The following ALK variants were observed in gnomAD, a reference collection of about 807,000 sequenced individuals.
ALK encodes ALK tyrosine kinase receptor.
In ALK, 74 loss-of-function variants were observed where a neutral mutation model predicts 163.1. The observed-to-expected ratio is 0.45, with a 90% confidence interval of 0.38 to 0.55. The LOEUF (loss-of-function observed/expected upper bound fraction) is 0.55, where lower values mean the gene tolerates loss of function less well. Ranked by LOEUF, ALK falls within the 20% of genes least tolerant of loss-of-function variation. The pLI, the probability that ALK is intolerant of heterozygous loss-of-function variation, is 0.00. For missense variants in ALK, 2,063 were observed against 2,105.3 expected, an observed-to-expected ratio of 0.98 and a Z score of 0.39; for synonymous variants, 960 against 843.2, an observed-to-expected ratio of 1.14 and a Z score of -2.40.
intron 4 of ALK, among the ~76,000 whole-genome samples, chr2:29,529,514 G>C (rs1325833375): frequency 6.6e-6 from 1 of 152,220 alleles, no homozygotes; most frequent in Admixed American, 6.5e-5. Context: ...CTTGAGACTA[G>C]CAGCGACCCC....
At chr2:29,649,733 T>C (rs1676987713) in intron 3 of ALK, among the ~76,000 whole-genome samples, 1 of 152,112 alleles carries the variant, frequency 6.6e-6, no homozygotes, top group Non-Finnish European at 1.5e-5. Flanking sequence ...GGTGCACCCA[T>C]GCTCTCACCT....
At position 29,564,876 on chromosome 2, in the gene ALK, C is replaced by G. The variant is rs77861440; in HGVS notation, c.953-32760G>C. Among the ~76,000 whole-genome samples, 536 of 152,234 alleles carry G rather than the reference C, an allele frequency of 3.5e-3. 6 individuals carry two copies. The East Asian group carries it at 0.046, about 13-fold the overall frequency. Reference sequence around the variant, plus strand: ...TTCTAGGGTTCAATCTGAGAGGACCCCTGTGTTCTCTTGCTTTATTACAGA... The same window carrying G: ...TTCTAGGGTTCAATCTGAGAGGACCGCTGTGTTCTCTTGCTTTATTACAGA... On this transcript the variant is annotated intron_variant, in intron 3 of 28. Coordinates refer to ENST00000389048, the MANE Select transcript of ALK (RefSeq NM_004304.5).
chr2:29,272,680 A>G (rs1665423388), intron 11 of ALK, among the ~76,000 whole-genome samples: 1 of 152,234 alleles, frequency 6.6e-6, no homozygotes, highest in African/African-American at 2.4e-5. Context: ...GACAGCTTTG[A>G]ACTTTGGAAA....
chr2:29,294,027 A>C lies in ALK; in HGVS notation c.1817+2861T>G, dbSNP rs1881418. ...TTCAGGGTTGGGGAGCTGTCCACAA[A>C]GTAGGTGCTGAATAGCTGAAGCCAG... On this transcript the variant is annotated intron_variant, in intron 9 of 28. Coordinates refer to ENST00000389048, the MANE Select transcript of ALK (RefSeq NM_004304.5). Among the ~76,000 whole-genome samples, 4 of 152,272 alleles carry C rather than the reference A, an allele frequency of 2.6e-5. No homozygotes were observed. The South Asian group carries it at 6.2e-4, about 24-fold the overall frequency.
intron 11 of ALK, among the ~76,000 whole-genome samples, chr2:29,255,022 G>T (rs553598146): frequency 6.6e-6 from 1 of 152,320 alleles, no homozygotes; most frequent in African/African-American, 2.4e-5. Context: ...GAGAGGATTT[G>T]CCATCCTGTG....
At chr2:29,812,087 C>T (rs966026905) in intron 1 of ALK, among the ~76,000 whole-genome samples, 14 of 152,060 alleles carry the variant, frequency 9.2e-5, no homozygotes, top group African/African-American at 3.1e-4. Context: ...AGGAGGTTCC[C>T]GAAGGAAGGA....
At chr2:29,236,188 T>C (rs555115840) in intron 13 of ALK, among the ~76,000 whole-genome samples, 1 of 152,182 alleles carries the variant, frequency 6.6e-6, no homozygotes, top group South Asian at 2.1e-4. Context: ...TGGGCTATAC[T>C]TGGTGAGGCA....
chr2:29,499,018 G>C (rs928950477), intron 4 of ALK, among the ~76,000 whole-genome samples: 34 of 152,162 alleles, frequency 2.2e-4, no homozygotes, highest in Non-Finnish European at 1.5e-5. Flanking sequence ...AAAAGAAAAG[G>C]CTTGTTAGTT....
chr2:29,695,578 C>T (rs115081234), intron 2 of ALK, among the ~76,000 whole-genome samples: 1,653 of 152,222 alleles, frequency 0.011, 13 homozygotes, highest in Non-Finnish European at 0.019. Context: ...GAACAGGCAA[C>T]CTACAGAATG....
At chr2:29,770,414 A>C (rs1680988020) in intron 1 of ALK, among the ~76,000 whole-genome samples, 2 of 152,226 alleles carry the variant, frequency 1.3e-5, no homozygotes, top group Non-Finnish European at 2.9e-5. Flanking sequence ...TCCCAACAAC[A>C]AGCTCAGGGC....
rs1414978905 is a variant in ALK at position 29,920,458 on chromosome 2, C to A, written c.202G>T (p.Ala68Ser). 2.5e-6 allele frequency: 4 copies of A among 1,611,858 alleles called. No homozygotes were observed. Among genetic ancestry groups the A allele is most frequent in the Admixed American group, 1.7e-5 (1 of 59,872 alleles). Residue 68 changes from alanine to serine, a missense_variant, in exon 1 of 29, where the codon GCC (alanine) becomes TCC (serine). Coordinates refer to ENST00000389048, the MANE Select transcript of ALK (RefSeq NM_004304.5). ...FVVPSLFRVY[A>S]RDLLLPPSSS... ...GATGGTGGCAGCAGTAGGTCCCGGG[C>A]GTAGACACGGAAGAGCGAGGGCACC... is the stretch of plus-strand genomic sequence containing the variant.
At chr2:29,866,888 G>T (rs1666449387) in intron 1 of ALK, among the ~76,000 whole-genome samples, 1 of 152,176 alleles carries the variant, frequency 6.6e-6, no homozygotes, top group African/African-American at 2.4e-5. Flanking sequence ...ATAATCTGTG[G>T]TTCACAGACA....
At chr2:29,633,648 A>C (rs1359458857) in intron 3 of ALK, among the ~76,000 whole-genome samples, 1 of 152,090 alleles carries the variant, frequency 6.6e-6, no homozygotes, top group Non-Finnish European at 1.5e-5. Flanking sequence ...CTTTGAAAAG[A>C]TCAATACAAT....
intron 4 of ALK, among the ~76,000 whole-genome samples, chr2:29,417,501 T>C (rs992397089): frequency 1.3e-5 from 2 of 152,158 alleles, no homozygotes; most frequent in African/African-American, 2.4e-5. Flanking sequence ...AAAGCCCTAG[T>C]GTGGAAAGGA....
chr2:29,903,135 AT>A (rs566806053), intron 1 of ALK, among the ~76,000 whole-genome samples: 80 of 152,296 alleles, frequency 5.3e-4, no homozygotes, highest in African/African-American at 1.9e-3. Flanking sequence ...CAGGGACTAC[AT>A]CTTGTAATTA....
At chr2:29,710,944 G>T (rs1369064668) in intron 2 of ALK, among the ~76,000 whole-genome samples, 1 of 152,108 alleles carries the variant, frequency 6.6e-6, no homozygotes, top group African/African-American at 2.4e-5. Flanking sequence ...TGATTACGGT[G>T]GATCTCACCA....
intron 11 of ALK, among the ~76,000 whole-genome samples, chr2:29,265,964 G>A (rs1012567741): frequency 2.0e-5 from 3 of 152,174 alleles, no homozygotes; most frequent in African/African-American, 7.2e-5. Context: ...CAGCCTGGGT[G>A]ACAAGAGCGA....
At chr2:29,777,193 C>T (rs1267933059) in intron 1 of ALK, among the ~76,000 whole-genome samples, 1 of 152,184 alleles carries the variant, frequency 6.6e-6, no homozygotes, top group Non-Finnish European at 1.5e-5. Flanking sequence ...AATATTCATC[C>T]AGGAGAAAAT....
At chr2:29,490,954 A>T (rs922853865) in intron 4 of ALK, among the ~76,000 whole-genome samples, 7 of 152,070 alleles carry the variant, frequency 4.6e-5, no homozygotes, top group African/African-American at 1.7e-4. Flanking sequence ...GTAGTAGTAA[A>T]TTTTTACCTG....
Sources: gnomAD v4.1 joint callset for allele counts (sites outside exome capture counted in the v4.1 genomes callset) on GRCh38, gnomAD v4.1.1 for gene constraint, MANE v1.5 for transcripts, NCBI Gene and HGNC (gene_info 2026-07-23, HGNC 2026-07-21) for gene names.